The following CBX5 variants were observed in gnomAD, a reference collection of about 807,000 sequenced individuals.
The protein encoded by CBX5 is chromobox protein homolog 5.
In CBX5, 7 loss-of-function variants were observed where a neutral mutation model predicts 20.7. That is an observed-to-expected ratio of 0.34 (90% CI 0.19 to 0.63). The LOEUF (loss-of-function observed/expected upper bound fraction) is 0.63, where lower values mean the gene tolerates loss of function less well. Ranked by LOEUF, CBX5 falls within the 30% of genes least tolerant of loss-of-function variation. The probability of loss-of-function intolerance (pLI) is 0.75; values close to 1 mark genes in which losing one functional copy is unlikely to be tolerated. For synonymous variants in CBX5, 78 were observed against 77.0 expected (o/e 1.01, Z -0.07); for missense variants, 110 against 224.1 (o/e 0.49, Z 3.25).
At position 54,236,017 on chromosome 12, in the gene CBX5, T is replaced by C. The variant is rs1161188653; in HGVS notation, c.*5738A>G. ...GTTTTCTCTCTCAGTAATAACAGCA[T>C]TTCCAACCCTCCAGCTATATTTATT... On this transcript the variant is annotated 3_prime_UTR_variant, in exon 5 of 5. Transcript: ENST00000209875. 6.6e-6 allele frequency: 1 copy of C among 152,228 alleles called. No homozygotes were observed. Among genetic ancestry groups the C allele is most frequent in the Admixed American group, 6.5e-5 (1 of 15,280 alleles). The allele number at this position is 152,228 out of a possible 1,614,324, so 9.4% of individuals were successfully genotyped here.
At chr12:54,263,271 G>A (rs1338909822) in intron 1 of CBX5, among the ~76,000 whole-genome samples, 2 of 151,754 alleles carry the variant, frequency 1.3e-5, no homozygotes, top group Non-Finnish European at 2.9e-5. Context: ...TGAGGCAGGA[G>A]AATCACTTGA....
At chr12:54,250,811 C>CAAAAAAAAAAAAA (rs1164585269) in intron 3 of CBX5, among the ~76,000 whole-genome samples, 2 of 39,334 alleles carry the variant, frequency 5.1e-5, no homozygotes, top group Admixed American at 4.6e-4. Context: ...GACTCCGTCT[C>CAAAAAAAAAAAAA]AAAAAAAAAA....
intron 1 of CBX5, among the ~76,000 whole-genome samples, chr12:54,270,390 C>T (rs1207017774): frequency 6.6e-6 from 1 of 152,182 alleles, no homozygotes; most frequent in African/African-American, 2.4e-5. Context: ...AGCATCCCAC[C>T]TCAGCCTCCC....
chr12:54,250,891 G>C, intron 3 of CBX5, among the ~76,000 whole-genome samples: 1 of 151,184 alleles, frequency 6.6e-6, no homozygotes, highest in East Asian at 1.9e-4. Context: ...CAACACTTTG[G>C]GAGGCCAAGG....
At chr12:54,277,824 A>G (rs1222916002) in intron 1 of CBX5, among the ~76,000 whole-genome samples, 1 of 152,078 alleles carries the variant, frequency 6.6e-6, no homozygotes, top group Non-Finnish European at 1.5e-5. Context: ...AAAAAATAAT[A>G]AACTCTAGTG....
intron 2 of CBX5, among the ~76,000 whole-genome samples, chr12:54,254,834 T>C (rs1226843441): frequency 1.3e-5 from 2 of 151,680 alleles, no homozygotes; most frequent in African/African-American, 4.8e-5. Context: ...GCCTGGGCAA[T>C]AAGAGCAAAA....
chr12:54,257,376 A>G lies in CBX5; in HGVS notation c.137+138T>C, dbSNP rs1943870778. 1.0e-5 allele frequency: 8 copies of G among 763,048 alleles called. No individual in the cohort carries two copies. The South Asian group carries it at 1.3e-4, about 13-fold the overall frequency. The allele number at this position is 763,048 out of a possible 1,614,324, so 47.3% of individuals were successfully genotyped here. On this transcript the variant is annotated intron_variant, in intron 2 of 4. Coordinates refer to ENST00000209875, the MANE Select transcript of CBX5 (RefSeq NM_012117.3). ...CAAGCGGAGAGATTTTGTTTTCTTTACTGCTGTGTCTTCTAACTCTTAGGA... is the reference window on the plus strand; with the variant it reads ...CAAGCGGAGAGATTTTGTTTTCTTTGCTGCTGTGTCTTCTAACTCTTAGGA...
At chr12:54,277,033 TA>T (rs1245242210) in intron 1 of CBX5, 2 of 152,172 alleles carry the variant, frequency 1.3e-5, no homozygotes, top group Non-Finnish European at 2.9e-5. Flanking sequence ...CAAAAAGTGG[TA>T]AAAACTTTTT....
chr12:54,256,666 A>G (rs577260890), intron 2 of CBX5, among the ~76,000 whole-genome samples: 4 of 152,032 alleles, frequency 2.6e-5, no homozygotes, highest in African/African-American at 7.2e-5. Flanking sequence ...AAGTCTTAGC[A>G]CACACACACA....
At position 54,237,799 on chromosome 12, in the gene CBX5, G is replaced by A. The variant is rs1943638000; in HGVS notation, c.*3956C>T. The A allele has an allele frequency of 6.5e-6, 1 of 153,234 alleles. No individual in the cohort carries two copies. Among genetic ancestry groups the A allele is most frequent in the African/African-American group, 2.4e-5 (1 of 41,434 alleles). 9.5% of individuals were successfully genotyped at this position (153,234 alleles called of 1,614,324 possible). A position where few individuals can be genotyped will look rare whatever the true frequency, so the allele number is the denominator to read the frequency against. On this transcript the variant is annotated 3_prime_UTR_variant, in exon 5 of 5. Transcript: ENST00000209875. Reference sequence around the variant, plus strand: ...AAAGTCAGGTATTACAGAGGACAGAGCAACAAAGAGGGCAACTGGAATTTA... The same window carrying A: ...AAAGTCAGGTATTACAGAGGACAGAACAACAAAGAGGGCAACTGGAATTTA...
chr12:54,244,635 G>A (rs1313394515), intron 4 of CBX5, among the ~76,000 whole-genome samples: 2 of 151,968 alleles, frequency 1.3e-5, no homozygotes, highest in African/African-American at 4.8e-5. Flanking sequence ...CTACTTGGGA[G>A]GCTGAGGCAG....
chr12:54,279,373 G>A (rs758595633), intron 1 of CBX5, among the ~76,000 whole-genome samples: 7 of 152,148 alleles, frequency 4.6e-5, no homozygotes, highest in African/African-American at 7.2e-5. Context: ...TCAAGTCGAG[G>A]AATACAGGAG....
At chr12:54,268,185 C>T (rs1943975661) in intron 1 of CBX5, among the ~76,000 whole-genome samples, 2 of 152,112 alleles carry the variant, frequency 1.3e-5, no homozygotes, top group South Asian at 4.2e-4. Flanking sequence ...CTTGGCAGCT[C>T]CTGGGCCATG....
At chr12:54,254,922 T>C (rs1196568846) in intron 2 of CBX5, among the ~76,000 whole-genome samples, 1 of 152,004 alleles carries the variant, frequency 6.6e-6, no homozygotes, top group Non-Finnish European at 1.5e-5. Context: ...CCACAGACCA[T>C]ATAGTTTACC....
intron 3 of CBX5, among the ~76,000 whole-genome samples, chr12:54,246,672 T>C (rs530498109): frequency 6.6e-6 from 1 of 150,846 alleles, no homozygotes; most frequent in Non-Finnish European, 1.5e-5. Context: ...CCCCAGCTAC[T>C]CGGGAGGCTG....
At chr12:54,269,038 G>A (rs771773751) in intron 1 of CBX5, among the ~76,000 whole-genome samples, 19 of 152,174 alleles carry the variant, frequency 1.2e-4, no homozygotes, top group South Asian at 2.1e-4. Flanking sequence ...TGAGGTGGGC[G>A]CATCACGAGG....
chr12:54,245,065 G>A (rs1206266312), intron 4 of CBX5, among the ~76,000 whole-genome samples: 2 of 151,534 alleles, frequency 1.3e-5, no homozygotes, highest in Admixed American at 6.6e-5. Context: ...AGGCAGGAGT[G>A]CAGAGGCTCG....
At position 54,275,700 on chromosome 12, in the gene CBX5, A is replaced by G. The variant is rs186034338; in HGVS notation, c.-43+4308T>C. Among the ~76,000 whole-genome samples the G allele has an allele frequency of 7.7e-3, 1,172 of 152,138 alleles. 10 individuals are homozygous for G. The highest frequency in any genetic ancestry group is 0.044 in the Middle Eastern group (13 of 294). ...TCACCACCAGAGAGAAAAGTTCATC[A>G]TATCTATTAACTACCACATTGGAGG... On this transcript the variant is annotated intron_variant, in intron 1 of 4. Coordinates refer to ENST00000209875, the MANE Select transcript of CBX5 (RefSeq NM_012117.3).
intron 1 of CBX5, among the ~76,000 whole-genome samples, chr12:54,278,498 T>C (rs1944092452): frequency 2.0e-5 from 3 of 152,254 alleles, no homozygotes; most frequent in Non-Finnish European, 4.4e-5. Flanking sequence ...GTCTTTGGTA[T>C]AAAGTCGGAA....
Sources: allele counts gnomAD v4.1 joint callset (sites outside exome capture counted in the v4.1 genomes callset), GRCh38; gene constraint gnomAD v4.1.1; transcripts MANE v1.5; gene names NCBI Gene and HGNC (gene_info 2026-07-23, HGNC 2026-07-21).